The following GRK6 variants were observed in gnomAD, a reference collection of about 807,000 sequenced individuals.
The protein encoded by GRK6 is G protein-coupled receptor kinase 6.
A neutral mutation model predicts 80.8 loss-of-function variants in GRK6; 37 were observed. The ratio of observed to expected loss-of-function variants is 0.46; its 90% CI spans 0.35 to 0.60. The LOEUF (loss-of-function observed/expected upper bound fraction) is 0.60. GRK6 is among the 20% of genes least tolerant of loss of function. The pLI is 0.00. For missense variants in GRK6, 560 were observed against 784.6 expected (o/e 0.71, Z 3.42); for synonymous variants, 295 against 320.9 (o/e 0.92, Z 0.86).
At position 177,426,737 on chromosome 5, in the gene GRK6, C is replaced by A; in HGVS notation, c.-109C>A. 1 of 545,672 alleles carries A rather than the reference C, an allele frequency of 1.8e-6. No individual in the cohort carries two copies. The highest frequency in any genetic ancestry group is 2.3e-6 in the Non-Finnish European group (1 of 430,356). 33.8% of individuals were successfully genotyped at this position (545,672 alleles called of 1,614,324 possible). A position where few individuals can be genotyped will look rare whatever the true frequency, so the allele number is the denominator to read the frequency against. On this transcript the variant is annotated 5_prime_UTR_variant, in exon 1 of 16. Coordinates refer to ENST00000355472, the MANE Select transcript of GRK6 (RefSeq NM_001004106.3). Reference sequence around the variant, plus strand: ...CGGGGAGGCCGCGGCGCGGTCACTGCGAGCCGAGCCGAGCCGCGCCGAGCC... The same window carrying A: ...CGGGGAGGCCGCGGCGCGGTCACTGAGAGCCGAGCCGAGCCGCGCCGAGCC...
At chr5:177,440,361 C>A (rs1014845902) in intron 13 of GRK6, among the ~76,000 whole-genome samples, 2 of 152,212 alleles carry the variant, frequency 1.3e-5, no homozygotes, top group African/African-American at 4.8e-5. Context: ...TGGTGCCCAG[C>A]GGAGGGGCCG....
intron 13 of GRK6, among the ~76,000 whole-genome samples, chr5:177,438,154 G>A (rs1055155780): frequency 1.3e-5 from 2 of 152,160 alleles, no homozygotes; most frequent in African/African-American, 4.8e-5. Flanking sequence ...GATCACCTGA[G>A]GTTGGGAGTT....
Position 177,433,680 on chromosome 5 carries a change from A to G in GRK6, c.738+4A>G. On this transcript the variant is annotated splice_donor_region_variant and intron_variant, in intron 8 of 15. Transcript: ENST00000355472. Reference sequence around the variant, plus strand: ...GAAAGTGAACAGTAGGTTTGTAGTAAGTACAGAAGGAGACTCTCCCTTCCC... The same window carrying G: ...GAAAGTGAACAGTAGGTTTGTAGTAGGTACAGAAGGAGACTCTCCCTTCCC... 1 of 1,614,018 alleles carries G rather than the reference A, an allele frequency of 6.2e-7. No individual in the cohort carries two copies. The highest frequency in any genetic ancestry group is 8.5e-7 in the Non-Finnish European group (1 of 1,180,004).
upstream of GRK6, among the ~76,000 whole-genome samples, chr5:177,426,078 G>C (rs2127367427): frequency 6.6e-6 from 1 of 152,350 alleles, no homozygotes; most frequent in Admixed American, 6.5e-5. Flanking sequence ...TCGGGGAACG[G>C]CTGCGAGGCC....
rs1297665837 is a variant in GRK6, at chr5:177,428,671, G to A, written c.52+1774G>A. ...ACCTCAAGTGATCCGCCTGCCTCTG[G>A]CCTCCCTAATTGCTGGGATTATAGG... On this transcript the variant is annotated intron_variant, in intron 1 of 15. Coordinates refer to ENST00000355472, the MANE Select transcript of GRK6 (RefSeq NM_001004106.3). The surrounding 1 kb of genome is among the most constrained non-coding windows in gnomAD (Gnocchi z 4.1). 3.9e-5 allele frequency among the ~76,000 whole-genome samples: 6 copies of A among 152,190 alleles called. No homozygotes were observed. The South Asian group carries it at 1.0e-3, about 26-fold the overall frequency.
chr5:177,427,683 G>GCCCCCACCTGCCACACT lies in GRK6; in HGVS notation c.52+789_52+805dup, dbSNP rs1752655269. Among the ~76,000 whole-genome samples, 8 of 152,150 alleles carry GCCCCCACCTGCCACACT rather than the reference G, an allele frequency of 5.3e-5. No individual in the cohort carries two copies. The South Asian group carries it at 1.7e-3, about 32-fold the overall frequency. On this transcript the variant is annotated intron_variant, in intron 1 of 15. Transcript: ENST00000355472. ...GTCCTCACTGCCTTGTGGTCAGTCT[G>GCCCCCACCTGCCACACT]CCCCCACCTGCCACACTCCACCTCA...
chr5:177,427,381 C>T (rs1266174673), intron 1 of GRK6, among the ~76,000 whole-genome samples: 1 of 152,250 alleles, frequency 6.6e-6, no homozygotes, highest in African/African-American at 2.4e-5. Context: ...ACAAATGCTA[C>T]TTATAGGACT....
Position 177,436,075 on chromosome 5 carries a change from C to T in GRK6, c.1060C>T (p.Pro354Ser). 1.2e-6 allele frequency: 2 copies of T among 1,612,174 alleles called. No homozygotes were observed. Among genetic ancestry groups the T allele is most frequent in the Non-Finnish European group, 1.7e-6 (2 of 1,178,586 alleles). The change falls in exon 12 of 16, where the codon CCG (proline) becomes TCG (serine). Residue 354 changes from proline (P) to serine (S), a missense_variant and splice_region_variant. Pro to Ser is a moderately conservative substitution (Grantham distance 74). Around this residue, in one of 3 missense-constraint regions of GRK6, gnomAD observed 294 missense variants for 397.4 expected, o/e 0.74. Transcript: ENST00000355472. ...TAACTCCCATGCCGCCCGCCCAGCT[C>T]CGGAGGTGGTGAAGAATGAACGGTA... is the stretch of plus-strand genomic sequence containing the variant. ...GRVGTVGYMA[P>S]EVVKNERYTF... is the part of the protein sequence containing the mutation.
intron 15 of GRK6, 118 bp downstream of exon 15, chr5:177,441,171 G>A: frequency 1.3e-6 from 2 of 1,485,456 alleles, no homozygotes; most frequent in South Asian, 2.4e-5. Context: ...CTGTTGTGGT[G>A]CCCAGGGTCT....
At chr5:177,435,718 CCTT>C (rs1475325848) in intron 11 of GRK6, among the ~76,000 whole-genome samples, 1 of 152,228 alleles carries the variant, frequency 6.6e-6, no homozygotes, top group Admixed American at 6.5e-5. Flanking sequence ...ATAGGAGTTT[CCTT>C]CTTCTCGCTG....
At chr5:177,432,334 T>G (rs748986532) in intron 4 of GRK6, 24 bp downstream of exon 4, 20 of 1,607,214 alleles carry the variant, frequency 1.2e-5, no homozygotes, top group Middle Eastern at 4.4e-4. Flanking sequence ...GATGGAGAGA[T>G]GATGGGAGCC....
At position 177,426,859 on chromosome 5, in the gene GRK6, A is replaced by G; in HGVS notation, c.14A>G (p.Asn5Ser). The G allele has an allele frequency of 7.3e-7, 1 of 1,360,990 alleles. No homozygotes were observed. The highest frequency in any genetic ancestry group is 9.5e-7 in the Non-Finnish European group (1 of 1,048,740). 84.3% of individuals were successfully genotyped at this position (1,360,990 alleles called of 1,614,324 possible). MELE[N>S]IVANTVLLKA... ...GCGCCACAGCCCATGGAGCTCGAGA[A>G]CATCGTAGCGAACACGGTGCTACTC... is the stretch of plus-strand genomic sequence containing the variant. Residue 5 changes from asparagine (N) to serine (S), a missense_variant, in exon 1 of 16, where the codon AAC becomes AGC. Asn to Ser is a conservative substitution (Grantham distance 46). This residue lies in a region of GRK6 where 189 missense variants were observed against 230.2 expected (regional missense o/e 0.82). Coordinates refer to ENST00000355472, the MANE Select transcript of GRK6 (RefSeq NM_001004106.3).
chr5:177,440,637 C>G (rs1238227238), intron 13 of GRK6, 63 bp from the exon 14 acceptor site: 1 of 1,587,336 alleles, frequency 6.3e-7, no homozygotes, highest in Non-Finnish European at 8.6e-7. Context: ...AGAATCAGGG[C>G]TGAGCTGCCT....
chr5:177,425,844 C>T (rs551358541), upstream of GRK6, among the ~76,000 whole-genome samples: 6 of 152,368 alleles, frequency 3.9e-5, no homozygotes, highest in Admixed American at 2.6e-4. Flanking sequence ...AGATTTCAGC[C>T]TTGTTTTCTC....
chr5:177,427,000 G>C (rs1041690003), intron 1 of GRK6, 103 bp downstream of exon 1: 2 of 691,048 alleles, frequency 2.9e-6, no homozygotes, highest in Admixed American at 4.7e-5. Flanking sequence ...CTAGGCCCGC[G>C]GGCCCTGCGC....
chr5:177,432,751 T>C lies in GRK6; in HGVS notation c.385T>C (p.Cys129Arg). 6.2e-7 allele frequency: 1 copy of C among 1,612,442 alleles called. No homozygotes were observed. The change falls in exon 5 of 16, where the codon TGC becomes CGC. Residue 129 changes from cysteine to arginine, a missense_variant. Physicochemically the swap from Cys to Arg is radical, Grantham distance 180. This residue lies in a region of GRK6 where 189 missense variants were observed against 230.2 expected (regional missense o/e 0.82). Transcript: ENST00000355472. ...PEVPRQLVTN[C>R]TQRLEQGPCK... ...GGTCCCCCGGCAGCTGGTGACGAAC[T>C]GCACCCAGCGGCTGGAGCAGGGTCC...
In GRK6 at chr5:177,440,555, T is replaced by C. The variant is rs1164063861; in HGVS notation, c.1405-145T>C. The C allele has an allele frequency of 3.3e-6, 3 of 915,794 alleles. No individual in the cohort carries two copies. In the African/African-American group the frequency reaches 5.0e-5, roughly 15 times the overall value. The allele number at this position is 915,794 out of a possible 1,614,324, so 56.7% of individuals were successfully genotyped here. ...AGAAGGGCCTGCCCCACTTAGGAAG[T>C]GCGTGGGGCACCTGGTTTCTCCAAA... On this transcript the variant is annotated intron_variant, in intron 13 of 15. Transcript: ENST00000355472.
Position 177,441,240 on chromosome 5 carries a change from T to C in GRK6, c.1677+187T>C, listed in dbSNP as rs772485316. 2.6e-6 allele frequency: 4 copies of C among 1,559,330 alleles called. 1 individual carries two copies. The South Asian group carries it at 3.5e-5, about 14-fold the overall frequency. On this transcript the variant is annotated intron_variant, in intron 15 of 15. Transcript: ENST00000355472. ...CTGGGCTCATGGCCTCTTTTCTCTT[T>C]CCAGAGGTGAGCAGTGTGGGCTCCC...
chr5:177,436,742 A>G (rs996829572), intron 13 of GRK6: 1 of 570,804 alleles, frequency 1.8e-6, no homozygotes, highest in Admixed American at 3.5e-5. Context: ...GCCTCTGACA[A>G]TGTCCTAGGA....
Sources: gnomAD v4.1 joint callset for allele counts (sites outside exome capture counted in the v4.1 genomes callset) on GRCh38, gnomAD v4.1.1 for gene constraint, gnomAD v4.1.1 regional missense constraint, Gnocchi (gnomAD v3.1) non-coding constraint, MANE v1.5 for transcripts, NCBI Gene and HGNC (gene_info 2026-07-23, HGNC 2026-07-21) for gene names.